CCDC40: variants seen among roughly 807,000 people sequenced by gnomAD.
The protein encoded by CCDC40 is coiled-coil domain 40 molecular ruler complex subunit, also known as coiled-coil domain-containing protein 40.
A neutral mutation model predicts 124.5 loss-of-function variants in CCDC40; 104 were observed. That is an observed-to-expected ratio of 0.84 (90% confidence interval 0.71 to 0.98). The LOEUF (loss-of-function observed/expected upper bound fraction) is 0.98. CCDC40 is among the 50% of genes least tolerant of loss of function. The pLI is 0.00. For missense variants in CCDC40, 1,463 were observed against 1,503.9 expected (o/e 0.97, Z 0.45); for synonymous variants, 580 against 602.9 (o/e 0.96, Z 0.56).
chr17:80,082,088 C>A, intron 12 of CCDC40, 30 bp downstream of exon 12: 1 of 1,604,968 alleles, frequency 6.2e-7, no homozygotes, highest in Non-Finnish European at 8.5e-7. Context: ...AGGGGCTGTG[C>A]GAAGCCCCCT....
chr17:80,046,661 G>A (rs984873177), intron 3 of CCDC40, among the ~76,000 whole-genome samples: 3 of 152,074 alleles, frequency 2.0e-5, no homozygotes, highest in African/African-American at 7.2e-5. Flanking sequence ...TGAGCGCCTC[G>A]AGGATGGGAA....
chr17:80,067,313 C>T (rs2038070520), intron 10 of CCDC40: 1 of 577,928 alleles, frequency 1.7e-6, no homozygotes, highest in Non-Finnish European at 3.1e-6. Context: ...GTCTCCTCCT[C>T]CTCGGCCCGC....
At chr17:80,069,293 G>GCTAGCCCCC (rs1290110981) in intron 10 of CCDC40, among the ~76,000 whole-genome samples, 1 of 152,172 alleles carries the variant, frequency 6.6e-6, no homozygotes, top group African/African-American at 2.4e-5. Context: ...TTGCCCCCGT[G>GCTAGCCCCC]TCTCATACAC....
At chr17:80,090,564 T>C (rs1376210587) in intron 17 of CCDC40, 1 of 1,505,152 alleles carries the variant, frequency 6.6e-7, no homozygotes, top group East Asian at 2.5e-5. Flanking sequence ...AAATGCCGGT[T>C]GTAACCCTCA....
chr17:80,040,031 G>C lies in CCDC40; in HGVS notation c.313G>C (p.Gly105Arg). ...CTATACAGAAACTTCATCCCCGGAAGGGCAAATCAGTGCTGCAGATACGAC... is the reference window on the plus strand; with the variant it reads ...CTATACAGAAACTTCATCCCCGGAACGGCAAATCAGTGCTGCAGATACGAC... Reference protein sequence around the residue: ...YYYTETSSPEGQISAADTTYP... With the variant: ...YYYTETSSPERQISAADTTYP... The change falls in exon 3 of 20, where the codon GGG (glycine) becomes CGG (arginine). Residue 105 changes from glycine to arginine, a missense_variant. By Grantham distance (125) the Gly-to-Arg change is moderately radical. Coordinates refer to ENST00000397545, the MANE Select transcript of CCDC40 (RefSeq NM_017950.4). 1 of 1,614,162 alleles carries C rather than the reference G, an allele frequency of 6.2e-7. No homozygotes were observed. The highest frequency in any genetic ancestry group is 1.1e-5 in the South Asian group (1 of 91,078).
At chr17:80,071,377 C>G (rs1054499811) in intron 10 of CCDC40, among the ~76,000 whole-genome samples, 2 of 152,202 alleles carry the variant, frequency 1.3e-5, no homozygotes, top group African/African-American at 4.8e-5. Flanking sequence ...GCCACGGCAG[C>G]CAGGCAGGCC....
intron 10 of CCDC40, among the ~76,000 whole-genome samples, chr17:80,081,138 T>C (rs777805904): frequency 1.3e-4 from 20 of 152,118 alleles, no homozygotes; most frequent in Non-Finnish European, 2.2e-4. Context: ...ATCCCAGCAC[T>C]TTGGGAGGCC....
chr17:80,043,679 G>A (rs912824572), intron 3 of CCDC40, among the ~76,000 whole-genome samples: 15 of 145,952 alleles, frequency 1.0e-4, no homozygotes, highest in African/African-American at 3.5e-4. Flanking sequence ...CATCACGCCC[G>A]GCTAATTTTT....
chr17:80,097,709 G>A (rs539516921), intron 19 of CCDC40: 16 of 401,254 alleles, frequency 4.0e-5, no homozygotes, highest in African/African-American at 3.2e-4. Flanking sequence ...GGGGCAGGAG[G>A]ACAGATGATG....
intron 17 of CCDC40, 93 bp downstream of exon 17, chr17:80,089,977 G>C: frequency 6.4e-7 from 1 of 1,557,642 alleles, no homozygotes; most frequent in Admixed American, 1.9e-5. Flanking sequence ...CTCTCCCGGG[G>C]CTCCTGTGGG....
chr17:80,057,918 G>A (rs2037793758), intron 7 of CCDC40, among the ~76,000 whole-genome samples: 1 of 151,954 alleles, frequency 6.6e-6, no homozygotes, highest in South Asian at 2.1e-4. Flanking sequence ...TTTTGTTAAA[G>A]GAATCAGTTC....
At chr17:80,044,700 AAC>A (rs1194338778) in intron 3 of CCDC40, among the ~76,000 whole-genome samples, 6,570 of 31,658 alleles carry the variant, frequency 0.21, 320 homozygotes, top group African/African-American at 0.3. Flanking sequence ...AAACAAAACA[AAC>A]AAACAAAAAA....
rs776566985 is a variant in CCDC40 at position 80,099,584 on chromosome 17, G to A, written c.3238G>A (p.Glu1080Lys). Residue 1080 changes from glutamate to lysine, a missense_variant, in exon 20 of 20, where the codon GAG becomes AAG. By Grantham distance (56) the Glu-to-Lys change is moderately conservative (BLOSUM62 1). Transcript: ENST00000397545. ...CCTTAAGCACCTGCAGGCTGTGAAG[G>A]AGGGGCGCTACGTGTTCCTGTTCCG... ...TRLKHLQAVK[E>K]GRYVFLFRSK... The A allele has an allele frequency of 1.2e-6, 2 of 1,613,530 alleles. No homozygotes were observed. Among genetic ancestry groups the A allele is most frequent in the East Asian group, 2.2e-5 (1 of 44,880 alleles).
In CCDC40 at chr17:80,066,332, G is replaced by T. The variant is rs895871075; in HGVS notation, c.1562+726G>T. 1 of 584,612 alleles carries T rather than the reference G, an allele frequency of 1.7e-6. No homozygotes were observed. Among genetic ancestry groups the T allele is most frequent in the Non-Finnish European group, 3.1e-6 (1 of 325,678 alleles). The allele number at this position is 584,612 out of a possible 1,614,324, so 36.2% of individuals were successfully genotyped here. On this transcript the variant is annotated intron_variant, in intron 10 of 19. Transcript: ENST00000397545. This position sits in a 1 kb window ranked among gnomAD's most constrained non-coding sequence, Gnocchi z 4.4. The stretch of plus-strand genomic sequence containing the variant: ...GCCCCACAGCACCCGCAGCCAGGCA[G>T]CCAGCAGCAGTCACACAACCAGGAG...
At position 80,058,929 on chromosome 17, in the gene CCDC40, G is replaced by T. The variant is rs2143650630; in HGVS notation, c.1389G>T (p.Gln463His). ...LEEDIALFEA[Q>H]YLAQAEDTRI... ...AAGACATTGCCCTGTTTGAGGCTCA[G>T]TACTTGGCCCAAGCTGAGGACACCC... is the stretch of plus-strand genomic sequence containing the variant. The change falls in exon 9 of 20, where the codon CAG (glutamine) becomes CAT (histidine). Residue 463 changes from glutamine (Q) to histidine (H), a missense_variant. By Grantham distance (24) the Gln-to-His change is conservative. Coordinates refer to ENST00000397545, the MANE Select transcript of CCDC40 (RefSeq NM_017950.4). The surrounding 1 kb of genome is among the most constrained non-coding windows in gnomAD (Gnocchi z 4.2). The T allele has an allele frequency of 1.9e-6, 3 of 1,614,188 alleles. No individual in the cohort carries two copies. The Admixed American group carries it at 5.0e-5, about 27-fold the overall frequency.
intron 10 of CCDC40, among the ~76,000 whole-genome samples, chr17:80,069,632 T>C (rs1359941940): frequency 6.6e-6 from 1 of 152,094 alleles, no homozygotes; most frequent in Non-Finnish European, 1.5e-5. Flanking sequence ...GCACCTGTGG[T>C]CCCAGCTACT....
chr17:80,050,424 G>A (rs2037554792), intron 7 of CCDC40, 141 bp downstream of exon 7: 2 of 701,004 alleles, frequency 2.9e-6, no homozygotes, highest in Admixed American at 2.2e-5. Context: ...AGGAGGGGAA[G>A]GCACATAAAT....
intron 17 of CCDC40, among the ~76,000 whole-genome samples, chr17:80,092,784 G>A (rs1262039458): frequency 6.6e-6 from 1 of 151,910 alleles, no homozygotes; most frequent in African/African-American, 2.4e-5. Context: ...CCCTCAGTCT[G>A]TTCTTTCATG....
At chr17:80,046,976 G>A (rs1420736992) in intron 3 of CCDC40, among the ~76,000 whole-genome samples, 1 of 152,094 alleles carries the variant, frequency 6.6e-6, no homozygotes, top group Non-Finnish European at 1.5e-5. Flanking sequence ...CTCCCAAGTA[G>A]CTGGGATTAC....
Sources: allele counts gnomAD v4.1 joint callset (sites outside exome capture counted in the v4.1 genomes callset), GRCh38; gene constraint gnomAD v4.1.1; non-coding constraint Gnocchi (gnomAD v3.1); transcripts MANE v1.5; gene names NCBI Gene and HGNC (gene_info 2026-07-23, HGNC 2026-07-21).